The following LSAMP variants were observed in gnomAD, a reference collection of about 807,000 sequenced individuals.
The protein encoded by LSAMP is limbic system associated membrane protein, also known as limbic system-associated membrane protein.
Under a neutral mutation model 38.6 loss-of-function variants are expected in LSAMP, and 7 were observed. The ratio of observed to expected loss-of-function variants is 0.18; its 90% CI spans 0.10 to 0.34. LSAMP has a LOEUF of 0.34. Ranked by LOEUF, LSAMP falls within the 10% of genes least tolerant of loss-of-function variation. The probability of loss-of-function intolerance (pLI) is 1.00; values close to 1 mark genes in which losing one functional copy is unlikely to be tolerated. For missense variants in LSAMP, 313 were observed against 420.0 expected, an observed-to-expected ratio of 0.75 and a Z score of 2.23; for synonymous variants, 154 against 166.8, an observed-to-expected ratio of 0.92 and a Z score of 0.59.
intron 2 of LSAMP, among the ~76,000 whole-genome samples, chr3:116,039,505 G>A (rs1011323149): frequency 1.3e-5 from 2 of 152,218 alleles, no homozygotes; most frequent in South Asian, 2.1e-4. Flanking sequence ...AGGCTCCAGT[G>A]CCTGTATTTT....
chr3:116,287,143 A>ATG (rs1273834331), intron 1 of LSAMP, among the ~76,000 whole-genome samples: 3 of 151,948 alleles, frequency 2.0e-5, no homozygotes, highest in Middle Eastern at 3.4e-3. Flanking sequence ...AGACTTGGTG[A>ATG]TGTGTGTGTG....
At chr3:116,098,479 A>C (rs1297922628) in intron 1 of LSAMP, among the ~76,000 whole-genome samples, 1 of 152,210 alleles carries the variant, frequency 6.6e-6, no homozygotes, top group East Asian at 1.9e-4. Flanking sequence ...TGGCAACAAG[A>C]GCAAAACTCC....
chr3:116,019,752 T>G, intron 2 of LSAMP, 112 bp from the exon 3 acceptor site: 1 of 1,195,040 alleles, frequency 8.4e-7, no homozygotes, highest in East Asian at 2.6e-5. Flanking sequence ...TGAATTTCTG[T>G]GTTAAGAAGT....
At chr3:115,830,759 C>T (rs1003364121) in intron 6 of LSAMP, among the ~76,000 whole-genome samples, 1 of 152,170 alleles carries the variant, frequency 6.6e-6, no homozygotes, top group Non-Finnish European at 1.5e-5. Flanking sequence ...GTGATCTTCA[C>T]AGCATGGGAT....
At chr3:116,434,003 A>G (rs1481276197) in intron 1 of LSAMP, among the ~76,000 whole-genome samples, 2 of 152,206 alleles carry the variant, frequency 1.3e-5, no homozygotes, top group Non-Finnish European at 2.9e-5. Flanking sequence ...TTCCAAAAAA[A>G]TAAAATTCCT....
chr3:116,082,380 G>T (rs1559735550), intron 2 of LSAMP, among the ~76,000 whole-genome samples: 1 of 152,192 alleles, frequency 6.6e-6, no homozygotes, highest in South Asian at 2.1e-4. Flanking sequence ...ATTTTTGTGT[G>T]TGTGCATCTG....
chr3:116,188,297 A>T (rs941377342), intron 1 of LSAMP, among the ~76,000 whole-genome samples: 20 of 151,812 alleles, frequency 1.3e-4, no homozygotes, highest in Non-Finnish European at 1.9e-4. Context: ...TTCCAGGGAG[A>T]CCCCCCAGGA....
At chr3:115,927,727 C>T (rs561417276) in intron 3 of LSAMP, among the ~76,000 whole-genome samples, 1 of 152,240 alleles carries the variant, frequency 6.6e-6, no homozygotes, top group African/African-American at 2.4e-5. Context: ...ACAGGCTGTA[C>T]GTGCTGCCAG....
intron 1 of LSAMP, among the ~76,000 whole-genome samples, chr3:116,440,264 C>A (rs768057757): frequency 6.6e-6 from 1 of 152,144 alleles, no homozygotes. Flanking sequence ...ATTGAGGCAA[C>A]CTCCTATCAG....
At chr3:115,873,402 C>T (rs868806487) in intron 3 of LSAMP, among the ~76,000 whole-genome samples, 7 of 150,016 alleles carry the variant, frequency 4.7e-5, no homozygotes, top group Admixed American at 2.0e-4. Flanking sequence ...AAAGTCTATG[C>T]TTTTTTAGAC....
At chr3:116,193,243 T>G (rs1710796837) in intron 1 of LSAMP, among the ~76,000 whole-genome samples, 1 of 152,182 alleles carries the variant, frequency 6.6e-6, no homozygotes, top group Non-Finnish European at 1.5e-5. Flanking sequence ...GCGTCTTTTA[T>G]CATACAAAAA....
intron 3 of LSAMP, among the ~76,000 whole-genome samples, chr3:115,877,800 GC>G (rs1014482164): frequency 6.9e-4 from 105 of 152,246 alleles, no homozygotes; most frequent in African/African-American, 2.5e-3. Context: ...GTCTGTTGGA[GC>G]ATCAGAAACT....
intron 2 of LSAMP, among the ~76,000 whole-genome samples, chr3:116,043,996 T>G (rs1365684870): frequency 6.6e-6 from 1 of 152,156 alleles, no homozygotes; most frequent in Non-Finnish European, 1.5e-5. Context: ...GTCTTTCCAC[T>G]TATGCTTTCA....
At chr3:116,422,822 A>G (rs547538427) in intron 1 of LSAMP, among the ~76,000 whole-genome samples, 21 of 152,308 alleles carry the variant, frequency 1.4e-4, no homozygotes, top group African/African-American at 2.6e-4. Context: ...CAACTGTAAT[A>G]TTACCCCTTC....
At chr3:116,227,491 T>C (rs2046354929) in intron 1 of LSAMP, among the ~76,000 whole-genome samples, 1 of 152,226 alleles carries the variant, frequency 6.6e-6, no homozygotes. Flanking sequence ...ATTTGTTAAA[T>C]CAATGAGTAT....
chr3:116,325,903 T>C (rs1452613683), intron 1 of LSAMP, among the ~76,000 whole-genome samples: 1 of 152,138 alleles, frequency 6.6e-6, no homozygotes, highest in Non-Finnish European at 1.5e-5. Context: ...ATCTGAAACC[T>C]TCAAAAGAAA....
chr3:116,108,614 G>C (rs1390808893), intron 1 of LSAMP, among the ~76,000 whole-genome samples: 1 of 152,214 alleles, frequency 6.6e-6, no homozygotes, highest in African/African-American at 2.4e-5. Context: ...CTGGGAAGGA[G>C]TCAGAGAGCC....
At position 115,937,688 on chromosome 3, in the gene LSAMP, T is replaced by A. The variant is rs146178390; in HGVS notation, c.514+81827A>T. Among the ~76,000 whole-genome samples the A allele has an allele frequency of 9.9e-5, 15 of 151,970 alleles. No individual in the cohort carries two copies. The East Asian group carries it at 2.9e-3, about 29-fold the overall frequency. On this transcript the variant is annotated intron_variant, in intron 3 of 6. Coordinates refer to ENST00000490035, the MANE Select transcript of LSAMP (RefSeq NM_002338.5). ...GAAATGTTTTGCATTATGTAAAAAT[T>A]TTAAATACAGTGGTTCATCTCTTTA...
At chr3:116,273,593 A>C (rs1014549456) in intron 1 of LSAMP, among the ~76,000 whole-genome samples, 1 of 149,334 alleles carries the variant, frequency 6.7e-6, no homozygotes, top group Non-Finnish European at 1.5e-5. Flanking sequence ...TGATCTATTT[A>C]TTTTGAATTC....
Sources: gnomAD v4.1 joint callset for allele counts (sites outside exome capture counted in the v4.1 genomes callset) on GRCh38, gnomAD v4.1.1 for gene constraint, MANE v1.5 for transcripts, NCBI Gene and HGNC (gene_info 2026-07-23, HGNC 2026-07-21) for gene names.